Variants in VPS35 observed in about 807,000 individuals in gnomAD.
VPS35 encodes vacuolar protein sorting-associated protein 35.
Under a neutral mutation model 98.1 loss-of-function variants are expected in VPS35, and 21 were observed. The ratio of observed to expected loss-of-function variants is 0.21; its 90% CI spans 0.15 to 0.31. The LOEUF is 0.31. Among genes scored for constraint, VPS35 ranks in the 10% least tolerant of loss-of-function variants. The pLI, the probability that VPS35 is intolerant of heterozygous loss-of-function variation, is 1.00. For synonymous variants in VPS35, 268 were observed against 318.2 expected (o/e 0.84, Z 1.68); for missense variants, 554 against 950.8 (o/e 0.58, Z 5.49).
intron 5 of VPS35, among the ~76,000 whole-genome samples, chr16:46,679,941 T>C (rs1442567912): frequency 6.6e-6 from 1 of 151,106 alleles, no homozygotes; most frequent in East Asian, 1.9e-4. Flanking sequence ...ATGAAAATAT[T>C]AAAAAGAAAA....
rs780094120 is a variant in VPS35, at chr16:46,674,263, T to C, written c.1160+51A>G. ...AAAACAATTGAGAAAGAAAAGCAAA[T>C]CTAGGACAAAAATATCTTTGAGGAT... is the stretch of plus-strand genomic sequence containing the variant. On this transcript the variant is annotated intron_variant, in intron 10 of 16. Transcript: ENST00000299138. 25 of 1,602,906 alleles carry C rather than the reference T, an allele frequency of 1.6e-5. 1 individual carries two copies. The South Asian group carries it at 2.2e-4, about 14-fold the overall frequency.
At chr16:46,666,572 T>TA (rs1965993441) in intron 13 of VPS35, among the ~76,000 whole-genome samples, 1 of 152,188 alleles carries the variant, frequency 6.6e-6, no homozygotes, top group Non-Finnish European at 1.5e-5. Context: ...CTGGCCTTTT[T>TA]ATTTTTTAAT....
chr16:46,658,400 T>C lies in VPS35; in HGVS notation c.*2072A>G, dbSNP rs1965861007. The C allele has an allele frequency of 6.5e-6, 1 of 153,772 alleles. No homozygotes were observed. Among genetic ancestry groups the C allele is most frequent in the Admixed American group, 6.5e-5 (1 of 15,278 alleles). 9.5% of individuals were successfully genotyped at this position (153,772 alleles called of 1,614,324 possible). ...AGATTCAGTGCCTAACTATATCTGG[T>C]ACCCAGTTTTTGTTCAACAAAAAAA... On this transcript the variant is annotated 3_prime_UTR_variant, in exon 17 of 17. Transcript: ENST00000299138.
In VPS35 at chr16:46,671,869, T is replaced by A; in HGVS notation, c.1369-9A>T. The A allele has an allele frequency of 6.2e-7, 1 of 1,612,078 alleles. No homozygotes were observed. The highest frequency in any genetic ancestry group is 8.5e-7 in the Non-Finnish European group (1 of 1,179,902). ...TTCATTATGGAATCCACCTGTAACATGCGAGGCACAAGAAACCCACTGAGG... is the reference window on the plus strand; with the variant it reads ...TTCATTATGGAATCCACCTGTAACAAGCGAGGCACAAGAAACCCACTGAGG... On this transcript the variant is annotated splice_polypyrimidine_tract_variant and intron_variant, in intron 11 of 16. Transcript: ENST00000299138.
At chr16:46,677,912 T>C (rs1966175338) in intron 6 of VPS35, among the ~76,000 whole-genome samples, 1 of 152,248 alleles carries the variant, frequency 6.6e-6, no homozygotes, top group South Asian at 2.1e-4. Flanking sequence ...GTTCTATATT[T>C]AGGTCTCTGA....
chr16:46,668,857 T>C, intron 13 of VPS35, 73 bp downstream of exon 13: 3 of 1,579,172 alleles, frequency 1.9e-6, no homozygotes, highest in Non-Finnish European at 2.6e-6. Flanking sequence ...TTTTATAATA[T>C]AAAACAAACA....
At chr16:46,665,635 C>T (rs1244955623) in intron 13 of VPS35, among the ~76,000 whole-genome samples, 2 of 150,116 alleles carry the variant, frequency 1.3e-5, no homozygotes, top group African/African-American at 2.4e-5. Context: ...GACCTTGGCA[C>T]AGTGGGTGAC....
intron 13 of VPS35, among the ~76,000 whole-genome samples, chr16:46,663,921 G>C (rs1300466095): frequency 9.2e-6 from 1 of 108,278 alleles, no homozygotes; most frequent in Non-Finnish European, 1.7e-5. Context: ...CTGTTGCCCA[G>C]GCTGATCTTG....
intron 1 of VPS35, chr16:46,688,531 G>C (rs1273029270): frequency 2.0e-6 from 2 of 988,790 alleles, no homozygotes; most frequent in East Asian, 1.1e-4. Flanking sequence ...CTTTGCGACC[G>C]TCAGGATTAG....
chr16:46,675,115 A>T (rs1165375107), intron 8 of VPS35, among the ~76,000 whole-genome samples: 2 of 109,698 alleles, frequency 1.8e-5, no homozygotes, highest in Non-Finnish European at 2.0e-5. Flanking sequence ...TTAACTAAAC[A>T]GTTTTGCCAA....
intron 1 of VPS35, among the ~76,000 whole-genome samples, chr16:46,686,299 G>T (rs1033007171): frequency 1.3e-5 from 2 of 152,018 alleles, no homozygotes; most frequent in Non-Finnish European, 2.9e-5. Context: ...GGACATATGG[G>T]TTGTTTCCAC....
At chr16:46,668,889 AAG>A in intron 13 of VPS35, 39 bp downstream of exon 13, 1 of 1,612,388 alleles carries the variant, frequency 6.2e-7, no homozygotes, top group Non-Finnish European at 8.5e-7. Flanking sequence ...AGAGTGATGA[AAG>A]AGGAAAAAAA....
chr16:46,676,800 CTAAATTCA>C (rs1264774935), intron 7 of VPS35, 108 bp from the exon 8 acceptor site: 1 of 792,152 alleles, frequency 1.3e-6, no homozygotes, highest in African/African-American at 1.7e-5. Context: ...TCTTATACAA[CTAAATTCA>C]AACACATTAC....
At chr16:46,686,195 T>C (rs1966310767) in intron 1 of VPS35, among the ~76,000 whole-genome samples, 1 of 152,200 alleles carries the variant, frequency 6.6e-6, no homozygotes, top group Non-Finnish European at 1.5e-5. Context: ...TTCATCCATG[T>C]TGCAGTATGT....
At chr16:46,673,400 T>C (rs1272785658) in intron 10 of VPS35, 1 of 152,250 alleles carries the variant, frequency 6.6e-6, no homozygotes, top group Non-Finnish European at 1.5e-5. Context: ...AGAAATTTTC[T>C]TGATGCAGGT....
intron 8 of VPS35, 137 bp from the exon 9 acceptor site, chr16:46,674,797 T>C (rs1966121122): frequency 2.3e-6 from 2 of 885,864 alleles, no homozygotes; most frequent in Middle Eastern, 3.4e-4. Flanking sequence ...TTGTTTTGTT[T>C]TGTTTTGTTT....
At chr16:46,688,216 G>T in intron 1 of VPS35, 1 of 694,036 alleles carries the variant, frequency 1.4e-6, no homozygotes, top group Non-Finnish European at 1.8e-6. Flanking sequence ...CACAGAGTGA[G>T]TAAGGTAATT....
rs1966191977 is a variant in VPS35 at position 46,678,947 on chromosome 16, T to G, written c.716A>C (p.Lys239Thr). The G allele has an allele frequency of 6.2e-7, 1 of 1,614,010 alleles. No individual in the cohort carries two copies. The highest frequency in any genetic ancestry group is 1.1e-5 in the South Asian group (1 of 91,086). Residue 239 changes from lysine (K) to threonine (T), a missense_variant, in exon 6 of 17, where the codon AAA becomes ACA. This residue lies in a region of VPS35 where 77 missense variants were observed against 222.3 expected (regional missense o/e 0.35). Transcript: ENST00000299138. ...QLEGVNVERYKQIVLTGILEQ... is the reference protein window; with the variant it reads ...QLEGVNVERYTQIVLTGILEQ... ...AGGTAACAAAAATATATAAACCTGTTTGTAACGTTCCACATTTACACCTTC... is the reference window on the plus strand; with the variant it reads ...AGGTAACAAAAATATATAAACCTGTGTGTAACGTTCCACATTTACACCTTC...
At chr16:46,669,825 T>C (rs1966042486) in intron 12 of VPS35, among the ~76,000 whole-genome samples, 1 of 152,052 alleles carries the variant, frequency 6.6e-6, no homozygotes, top group South Asian at 2.1e-4. Context: ...ACTCCTAGGG[T>C]TGTTGGGAAG....
Sources: gnomAD v4.1 joint callset for allele counts (sites outside exome capture counted in the v4.1 genomes callset) on GRCh38, gnomAD v4.1.1 for gene constraint, gnomAD v4.1.1 regional missense constraint, MANE v1.5 for transcripts, NCBI Gene and HGNC (gene_info 2026-07-23, HGNC 2026-07-21) for gene names.